The following MTUS2 variants were observed in gnomAD, a reference collection of about 807,000 sequenced individuals.
MTUS2 encodes microtubule-associated tumor suppressor candidate 2.
MTUS2 carries 40 observed loss-of-function variants against 114.1 expected under a neutral mutation model. That is an observed-to-expected ratio of 0.35 (90% CI 0.27 to 0.46). The LOEUF is 0.46. MTUS2 is among the 20% of genes least tolerant of loss of function. MTUS2 has a pLI of 1.00. For synonymous variants in MTUS2, 688 were observed against 672.0 expected, an observed-to-expected ratio of 1.02 and a Z score of -0.37; for missense variants, 1,679 against 1,705.4, an observed-to-expected ratio of 0.98 and a Z score of 0.27.
chr13:28,977,002 C>G (rs113680181), intron 2 of MTUS2, among the ~76,000 whole-genome samples: 2 of 152,030 alleles, frequency 1.3e-5, no homozygotes, highest in African/African-American at 4.8e-5. Flanking sequence ...ATACCCTTCC[C>G]CCCTTTGAGT....
chr13:29,340,403 ACT>A (rs978737658), intron 7 of MTUS2, among the ~76,000 whole-genome samples: 1 of 152,114 alleles, frequency 6.6e-6, no homozygotes, highest in Non-Finnish European at 1.5e-5. Flanking sequence ...ACACTTGGAT[ACT>A]CTTTCAAGGA....
At chr13:29,022,861 A>C (rs1886351202) in intron 2 of MTUS2, among the ~76,000 whole-genome samples, 1 of 152,232 alleles carries the variant, frequency 6.6e-6, no homozygotes, top group Non-Finnish European at 1.5e-5. Context: ...CTTTGGGGGC[A>C]GAAATAACGC....
chr13:28,902,044 G>A (rs529890542), intron 2 of MTUS2, among the ~76,000 whole-genome samples: 75 of 152,062 alleles, frequency 4.9e-4, no homozygotes, highest in African/African-American at 8.9e-4. Context: ...TGAAGTTTCC[G>A]TATGTGTTTT....
At chr13:29,189,262 T>C (rs574216508) in intron 5 of MTUS2, among the ~76,000 whole-genome samples, 2 of 152,374 alleles carry the variant, frequency 1.3e-5, no homozygotes, top group Admixed American at 1.3e-4. Flanking sequence ...TTCACACTTG[T>C]GAACTTTTAG....
intron 5 of MTUS2, among the ~76,000 whole-genome samples, chr13:29,137,229 A>C (rs932293555): frequency 6.6e-6 from 1 of 152,036 alleles, no homozygotes; most frequent in African/African-American, 2.4e-5. Context: ...TGATAATCTT[A>C]TTGAGGATCC....
chr13:29,398,326 T>C (rs1242645917), intron 8 of MTUS2, among the ~76,000 whole-genome samples: 1 of 152,008 alleles, frequency 6.6e-6, no homozygotes, highest in African/African-American at 2.4e-5. Context: ...CCAGGCGTGG[T>C]GGCAGATGTC....
intron 15 of MTUS2, among the ~76,000 whole-genome samples, chr13:29,501,853 T>TCA (rs556377781): frequency 1.3e-5 from 2 of 152,096 alleles, no homozygotes; most frequent in South Asian, 2.1e-4. Context: ...CACTGCTCAC[T>TCA]CACACACACA....
At chr13:29,021,701 A>C (rs1459810396) in intron 2 of MTUS2, among the ~76,000 whole-genome samples, 1 of 152,246 alleles carries the variant, frequency 6.6e-6, no homozygotes, top group Non-Finnish European at 1.5e-5. Context: ...CCCAGAGAGC[A>C]CAGCATTCTT....
chr13:29,283,460 A>G (rs1898355571), intron 6 of MTUS2, among the ~76,000 whole-genome samples: 1 of 152,222 alleles, frequency 6.6e-6, no homozygotes, highest in Non-Finnish European at 1.5e-5. Flanking sequence ...TGAATCTTTC[A>G]GCTACAATTT....
chr13:28,868,505 C>T lies in MTUS2; in HGVS notation c.-243+28655C>T, dbSNP rs550744441. On this transcript the variant is annotated intron_variant, in intron 2 of 15. Coordinates refer to ENST00000612955, the MANE Select transcript of MTUS2 (RefSeq NM_001033602.4). Reference sequence around the variant, plus strand: ...TGTCTGTTTATGGTGCTCCTCTCGACGGACTTTCATCAGCAGGAGAATTCA... The same window carrying T: ...TGTCTGTTTATGGTGCTCCTCTCGATGGACTTTCATCAGCAGGAGAATTCA... 7.2e-5 allele frequency among the ~76,000 whole-genome samples: 11 copies of T among 152,236 alleles called. No individual in the cohort carries two copies. The South Asian group carries it at 1.2e-3, about 17-fold the overall frequency.
chr13:29,025,214 G>C lies in MTUS2; in HGVS notation c.516G>C (p.Leu172=), dbSNP rs1377889609. The change falls in exon 3 of 16, where the codon CTG becomes CTC. Residue 172 remains leucine, a synonymous_variant. Coordinates refer to ENST00000612955, the MANE Select transcript of MTUS2 (RefSeq NM_001033602.4). ...CAAAGACCCTTGACAATGAGGAACT[G>C]AGGAGGCATTCTTTGGAAAGAGCAA... ...KLAKTLDNEE[L]RRHSLERASS... 12 of 1,613,852 alleles carry C rather than the reference G, an allele frequency of 7.4e-6. No individual in the cohort carries two copies. Among genetic ancestry groups the C allele is most frequent in the Non-Finnish European group, 9.3e-6 (11 of 1,179,890 alleles).
chr13:29,000,420 T>C (rs1885331494), intron 2 of MTUS2, among the ~76,000 whole-genome samples: 1 of 152,146 alleles, frequency 6.6e-6, no homozygotes, highest in Non-Finnish European at 1.5e-5. Context: ...TGTAGTGCAG[T>C]GGCGTGATCT....
chr13:28,922,096 G>T (rs1193502867), intron 2 of MTUS2, among the ~76,000 whole-genome samples: 1 of 152,180 alleles, frequency 6.6e-6, no homozygotes, highest in African/African-American at 2.4e-5. Context: ...GATAGTGAGT[G>T]AGTTCTCATG....
chr13:29,262,311 A>G (rs1318241554), intron 5 of MTUS2, among the ~76,000 whole-genome samples: 1 of 152,234 alleles, frequency 6.6e-6, no homozygotes, highest in Non-Finnish European at 1.5e-5. Context: ...AGAATGCCAC[A>G]GCTCTCTCAG....
At chr13:29,320,595 G>A (rs146823743) in intron 6 of MTUS2, among the ~76,000 whole-genome samples, 12 of 152,336 alleles carry the variant, frequency 7.9e-5, no homozygotes, top group Non-Finnish European at 1.3e-4. Context: ...CAGAGGACAG[G>A]AGATCCTGGA....
chr13:28,943,849 A>G (rs1882374481), intron 2 of MTUS2, among the ~76,000 whole-genome samples: 1 of 152,184 alleles, frequency 6.6e-6, no homozygotes, highest in Non-Finnish European at 1.5e-5. Flanking sequence ...TTGAGGAGCT[A>G]TTCTAGGGGA....
At chr13:29,063,860 T>A (rs1447243810) in intron 4 of MTUS2, among the ~76,000 whole-genome samples, 1 of 152,248 alleles carries the variant, frequency 6.6e-6, no homozygotes, top group Non-Finnish European at 1.5e-5. Context: ...CTCAATCTTC[T>A]GATTTGTATT....
Position 29,025,370 on chromosome 13 carries a change from T to C in MTUS2, c.672T>C (p.Ala224=). The change falls in exon 3 of 16, where the codon GCT becomes GCC. Residue 224 remains alanine, a synonymous_variant. Coordinates refer to ENST00000612955, the MANE Select transcript of MTUS2 (RefSeq NM_001033602.4). The part of the protein sequence containing the change: ...EGPQKTLPDH[A]VPAAFPATDS... ...CACAGAAGACATTGCCAGACCACGC[T>C]GTCCCGGCAGCTTTCCCTGCAACTG... The C allele has an allele frequency of 6.2e-7, 1 of 1,613,866 alleles. No homozygotes were observed. Among genetic ancestry groups the C allele is most frequent in the South Asian group, 1.1e-5 (1 of 91,074 alleles).
intron 7 of MTUS2, among the ~76,000 whole-genome samples, chr13:29,334,784 T>C (rs1348556492): frequency 8.5e-5 from 13 of 152,230 alleles, no homozygotes; most frequent in Non-Finnish European, 1.6e-4. Context: ...ACGGAGGGAC[T>C]GGCTGAAGCC....
Sources: allele counts gnomAD v4.1 joint callset (sites outside exome capture counted in the v4.1 genomes callset), GRCh38; gene constraint gnomAD v4.1.1; transcripts MANE v1.5; gene names NCBI Gene and HGNC (gene_info 2026-07-23, HGNC 2026-07-21).